Variants in C19orf18 observed in about 807,000 individuals in gnomAD.
C19orf18 encodes chromosome 19 open reading frame 18, also known as uncharacterized protein C19orf18.
A neutral mutation model predicts 23.3 loss-of-function variants in C19orf18; 21 were observed. The ratio of observed to expected loss-of-function variants is 0.90; its 90% confidence interval spans 0.64 to 1.30. The LOEUF is 1.30. C19orf18 is among the 50% of genes most tolerant of loss of function. C19orf18 has a pLI of 0.00. For synonymous variants in C19orf18, 96 were observed against 95.2 expected (o/e 1.01, Z -0.05); for missense variants, 249 against 259.6 (o/e 0.96, Z 0.28).
At chr19:57,973,697 C>T (rs1023557123) in intron 2 of C19orf18, among the ~76,000 whole-genome samples, 1 of 150,748 alleles carries the variant, frequency 6.6e-6, no homozygotes, top group Non-Finnish European at 1.5e-5. Flanking sequence ...TGCACTCCAG[C>T]CTGGGCGACA....
intron 3 of C19orf18, among the ~76,000 whole-genome samples, chr19:57,972,000 A>C (rs2072948213): frequency 6.6e-6 from 1 of 152,204 alleles, no homozygotes; most frequent in African/African-American, 2.4e-5. Context: ...CTGACTCAGA[A>C]GCCGCCCTGT....
chr19:57,963,761 G>T (rs2072889667), intron 4 of C19orf18, among the ~76,000 whole-genome samples: 1 of 152,014 alleles, frequency 6.6e-6, no homozygotes, highest in South Asian at 2.1e-4. Flanking sequence ...GTGGTGGCGG[G>T]TGCCTGTAGT....
chr19:57,969,111 T>C (rs257674), intron 3 of C19orf18, among the ~76,000 whole-genome samples: 150,861 of 152,278 alleles, frequency 0.99, 74,784 homozygotes, highest in Middle Eastern at 1. Flanking sequence ...CTGAGGTTAC[T>C]GGTGTACCCG....
intron 3 of C19orf18, among the ~76,000 whole-genome samples, chr19:57,972,111 G>C (rs549261351): frequency 6.6e-6 from 1 of 152,204 alleles, no homozygotes; most frequent in Non-Finnish European, 1.5e-5. Flanking sequence ...ACTCTGAAGC[G>C]AGAGGTGTTG....
chr19:57,966,335 C>CT (rs200215529), intron 4 of C19orf18, among the ~76,000 whole-genome samples, 195 bp downstream of exon 4: 13 of 151,362 alleles, frequency 8.6e-5, no homozygotes, highest in Non-Finnish European at 1.6e-4. Flanking sequence ...GTCTTTCTTT[C>CT]TTTTTTTTTC....
intron 5 of C19orf18, among the ~76,000 whole-genome samples, chr19:57,960,047 T>C (rs544126631): frequency 6.6e-6 from 1 of 150,720 alleles, no homozygotes; most frequent in South Asian, 2.1e-4. Flanking sequence ...AGGCAAAGGT[T>C]GCAGTGAGCC....
intron 3 of C19orf18, among the ~76,000 whole-genome samples, chr19:57,969,480 A>G (rs1179878968): frequency 1.4e-5 from 2 of 138,588 alleles, no homozygotes; most frequent in African/African-American, 5.3e-5. Context: ...ACTTGAGCCC[A>G]GGAGGTGGAG....
chr19:57,966,863 C>T (rs939750540), intron 3 of C19orf18, among the ~76,000 whole-genome samples: 12 of 152,122 alleles, frequency 7.9e-5, no homozygotes, highest in Admixed American at 6.5e-4. Flanking sequence ...TTTCGCCTCC[C>T]GGGTCCGAGC....
Position 57,960,400 on chromosome 19 carries a change from T to C in C19orf18, c.532+991A>G, listed in dbSNP as rs998295936. 1.3e-4 allele frequency among the ~76,000 whole-genome samples: 17 copies of C among 135,118 alleles called. No homozygotes were observed. In the East Asian group the frequency reaches 3.6e-3, roughly 28 times the overall value. 88.6% of individuals were successfully genotyped at this position (135,118 alleles called of 152,430 possible). On this transcript the variant is annotated intron_variant, in intron 5 of 5. Transcript: ENST00000314391. ...GAGATCATGCCACTGCACTCCAGCC[T>C]GGGCAACAGAGCAAGACTCCGCCTC...
chr19:57,961,656 G>T (rs1404600236), intron 4 of C19orf18, 105 bp from the exon 5 acceptor site: 3 of 1,279,814 alleles, frequency 2.3e-6, no homozygotes, highest in South Asian at 1.3e-5. Context: ...TGTGGAGTGG[G>T]TGCAGACATA....
intron 5 of C19orf18, among the ~76,000 whole-genome samples, chr19:57,959,937 C>T (rs180947449): frequency 7.9e-5 from 12 of 151,446 alleles, no homozygotes; most frequent in Admixed American, 4.6e-4. Flanking sequence ...GGTGAAACTC[C>T]GTCTCTACTA....
chr19:57,961,889 TC>T (rs1213672576), intron 4 of C19orf18, among the ~76,000 whole-genome samples: 5 of 150,522 alleles, frequency 3.3e-5, no homozygotes, highest in Admixed American at 2.0e-4. Context: ...TCTTTTTCTT[TC>T]TCTTTTTTTT....
intron 4 of C19orf18, 107 bp from the exon 5 acceptor site, chr19:57,961,658 G>A: frequency 8.0e-7 from 1 of 1,242,554 alleles, no homozygotes; most frequent in African/African-American, 1.5e-5. Context: ...TGGAGTGGGT[G>A]CAGACATAAG....
intron 3 of C19orf18, among the ~76,000 whole-genome samples, chr19:57,969,321 C>T (rs2072927861): frequency 6.6e-6 from 1 of 152,008 alleles, no homozygotes; most frequent in Non-Finnish European, 1.5e-5. Flanking sequence ...CTTTGGGAGG[C>T]CGAGGTGTGC....
rs2072846048 is a variant in C19orf18, at chr19:57,958,725, G to A, written c.533-8C>T. 7.0e-7 allele frequency: 1 copy of A among 1,428,872 alleles called. No individual in the cohort carries two copies. The highest frequency in any genetic ancestry group is 1.4e-5 in the African/African-American group (1 of 70,150). The allele number at this position is 1,428,872 out of a possible 1,614,324, so 88.5% of individuals were successfully genotyped here. ...TTCTTTTTGATATAATAACTAAAAT[G>A]TAGAAATGATGTTATTGAGATAGTA... On this transcript the variant is annotated splice_polypyrimidine_tract_variant and splice_region_variant and intron_variant, in intron 5 of 5. Transcript: ENST00000314391.
chr19:57,963,715 G>A (rs1177536208), intron 4 of C19orf18, among the ~76,000 whole-genome samples: 3 of 151,762 alleles, frequency 2.0e-5, no homozygotes, highest in South Asian at 4.2e-4. Flanking sequence ...GTGAAACCCC[G>A]TCTCTAATAA....
At chr19:57,960,342 C>G (rs1032800168) in intron 5 of C19orf18, among the ~76,000 whole-genome samples, 22 of 147,360 alleles carry the variant, frequency 1.5e-4, no homozygotes, top group Admixed American at 1.4e-3. Flanking sequence ...AGGAGAATGG[C>G]GTGAACCCGG....
At position 57,961,371 on chromosome 19, in the gene C19orf18, GCT is replaced by G; in HGVS notation, c.532+18_532+19del. 1 of 1,581,364 alleles carries G rather than the reference GCT, an allele frequency of 6.3e-7. No individual in the cohort carries two copies. The highest frequency in any genetic ancestry group is 8.6e-7 in the Non-Finnish European group (1 of 1,163,324). On this transcript the variant is annotated intron_variant, in intron 5 of 5. Coordinates refer to ENST00000314391, the MANE Select transcript of C19orf18 (RefSeq NM_152474.5). ...TGCCAGCTTGGCTTTCCTGCGAATA[GCT>G]CTTACAGGTCACACTACCTGAGTGG...
intron 4 of C19orf18, 29 bp from the exon 5 acceptor site, chr19:57,961,580 GCA>G (rs10588188): frequency 0.23 from 365,081 of 1,599,956 alleles, 43,795 homozygotes; most frequent in African/African-American, 0.39. Context: ...GAATTTAGAA[GCA>G]CAGTTTTCAT....
Sources: allele counts gnomAD v4.1 joint callset (sites outside exome capture counted in the v4.1 genomes callset), GRCh38; gene constraint gnomAD v4.1.1; transcripts MANE v1.5; gene names NCBI Gene and HGNC (gene_info 2026-07-23, HGNC 2026-07-21).